The following HMGCLL1 variants were observed in gnomAD, a reference collection of about 807,000 sequenced individuals.
The protein encoded by HMGCLL1 is 3-hydroxy-3-methylglutaryl-CoA lyase like 1.
A neutral mutation model predicts 39.1 loss-of-function variants in HMGCLL1; 36 were observed. The observed-to-expected ratio is 0.92, with a 90% CI of 0.71 to 1.22. The LOEUF (loss-of-function observed/expected upper bound fraction) is 1.22, where lower values mean the gene tolerates loss of function less well. HMGCLL1 is among the 50% of genes most tolerant of loss of function. The pLI, the probability that HMGCLL1 is intolerant of heterozygous loss-of-function variation, is 0.00. For missense variants in HMGCLL1, 451 were observed against 416.5 expected, an observed-to-expected ratio of 1.08 and a Z score of -0.72; for synonymous variants, 149 against 144.0, an observed-to-expected ratio of 1.03 and a Z score of -0.25.
At chr6:55,443,439 G>A (rs1763689402) in intron 7 of HMGCLL1, among the ~76,000 whole-genome samples, 1 of 152,116 alleles carries the variant, frequency 6.6e-6, no homozygotes, top group Non-Finnish European at 1.5e-5. Context: ...TGCAACTACA[G>A]GAGTCCCAGA....
the HMGCLL1 span, among the ~76,000 whole-genome samples, chr6:55,591,739 A>G: frequency 6.6e-6 from 1 of 151,160 alleles, no homozygotes; most frequent in Non-Finnish European, 1.5e-5. Context: ...AAAGTTTCCC[A>G]GAGTTCCCAT....
chr6:55,660,926 G>T, the HMGCLL1 span, among the ~76,000 whole-genome samples: 2 of 151,878 alleles, frequency 1.3e-5, no homozygotes, highest in Non-Finnish European at 2.9e-5. Flanking sequence ...ACTGGTGTGA[G>T]ATAGTATCTC....
intron 1 of HMGCLL1, among the ~76,000 whole-genome samples, chr6:55,543,549 T>C (rs1319458030): frequency 8.1e-6 from 1 of 123,366 alleles, no homozygotes; most frequent in African/African-American, 3.0e-5. Context: ...TATATTTACA[T>C]ATATATTTAT....
At position 55,435,630 on chromosome 6, in the gene HMGCLL1, CT is replaced by C; in HGVS notation, c.*31del. The stretch of plus-strand genomic sequence containing the variant: ...GATGAGTATTGTAGCTGAAATTGAT[CT>C]TCTCAACGGTACGTCATAAATCCAT... On this transcript the variant is annotated 3_prime_UTR_variant, in exon 9 of 9. Transcript: ENST00000274901. 8.0e-7 allele frequency: 1 copy of C among 1,243,560 alleles called. No homozygotes were observed. The allele number at this position is 1,243,560 out of a possible 1,614,324, so 77.0% of individuals were successfully genotyped here. A position where few individuals can be genotyped will look rare whatever the true frequency, so the allele number is the denominator to read the frequency against.
intron 1 of HMGCLL1, 74 bp downstream of exon 1, chr6:55,578,874 A>G: frequency 3.7e-6 from 4 of 1,076,198 alleles, no homozygotes; most frequent in Non-Finnish European, 4.2e-6. Flanking sequence ...GAGGGCACCA[A>G]GAGGTTGCAG....
chr6:55,553,174 T>C (rs1445888917), intron 1 of HMGCLL1, among the ~76,000 whole-genome samples: 13 of 95,250 alleles, frequency 1.4e-4, no homozygotes, highest in Admixed American at 3.6e-4. Flanking sequence ...TATATATATA[T>C]ACATACACAC....
At chr6:55,622,666 T>C in the HMGCLL1 span, among the ~76,000 whole-genome samples, 1 of 152,104 alleles carries the variant, frequency 6.6e-6, no homozygotes, top group Admixed American at 6.6e-5. Flanking sequence ...TTTGCTACTG[T>C]TTTGTTGAGG....
chr6:55,618,877 A>G, the HMGCLL1 span, among the ~76,000 whole-genome samples: 12 of 152,250 alleles, frequency 7.9e-5, no homozygotes, highest in East Asian at 2.1e-3. Flanking sequence ...TTTTACACCT[A>G]GTGAACTTAG....
At chr6:55,519,556 T>C (rs529331727) in intron 3 of HMGCLL1, among the ~76,000 whole-genome samples, 1 of 152,190 alleles carries the variant, frequency 6.6e-6, no homozygotes, top group African/African-American at 2.4e-5. Context: ...CACACAAATG[T>C]GCATGCACAC....
At chr6:55,603,151 A>T in the HMGCLL1 span, among the ~76,000 whole-genome samples, 1 of 152,132 alleles carries the variant, frequency 6.6e-6, no homozygotes, top group Non-Finnish European at 1.5e-5. Context: ...AAGCAACTTA[A>T]TAAAATTATT....
chr6:55,451,827 AAT>A (rs1764099555), intron 7 of HMGCLL1, among the ~76,000 whole-genome samples: 1 of 152,208 alleles, frequency 6.6e-6, no homozygotes, highest in Non-Finnish European at 1.5e-5. Context: ...AAGAATGAGC[AAT>A]GTTATAAATA....
rs754368185 is a variant in HMGCLL1, at chr6:55,514,184, C to T, written c.406G>A (p.Ala136Thr). The T allele has an allele frequency of 2.5e-6, 4 of 1,601,232 alleles. No homozygotes were observed. The highest frequency in any genetic ancestry group is 3.4e-6 in the Non-Finnish European group (4 of 1,176,368). ...QGFHHAVAAGATEISVFGAAS... is the reference protein window; with the variant it reads ...QGFHHAVAAGTTEISVFGAAS... ...GCTCCAAAAACTGATATCTCAGTAG[C>T]TCCAGCAGCAACCTGAAAAATATAT... The change falls in exon 5 of 9, where the codon GCT becomes ACT. Residue 136 changes from alanine to threonine, a missense_variant. Ala to Thr is a moderately conservative substitution (Grantham distance 58). Transcript: ENST00000274901.
At chr6:55,657,580 T>C in the HMGCLL1 span, among the ~76,000 whole-genome samples, 1 of 151,910 alleles carries the variant, frequency 6.6e-6, no homozygotes, top group South Asian at 2.1e-4. Flanking sequence ...GCTATTTTGG[T>C]TACTGTAGCT....
chr6:55,442,643 C>T (rs1278332144), intron 7 of HMGCLL1, among the ~76,000 whole-genome samples: 1 of 152,150 alleles, frequency 6.6e-6, no homozygotes, highest in East Asian at 1.9e-4. Context: ...GTTTCTCTAC[C>T]TCCATTTCTT....
intron 3 of HMGCLL1, among the ~76,000 whole-genome samples, chr6:55,530,147 T>G (rs1362178616): frequency 1.3e-5 from 2 of 152,060 alleles, no homozygotes; most frequent in East Asian, 3.9e-4. Context: ...TAAGCAGAAT[T>G]CAATACAAGA....
At chr6:55,493,221 C>G (rs1766403729) in intron 7 of HMGCLL1, among the ~76,000 whole-genome samples, 1 of 152,000 alleles carries the variant, frequency 6.6e-6, no homozygotes, top group African/African-American at 2.4e-5. Context: ...AACCCTAAAC[C>G]CACAAAACGT....
chr6:55,635,842 T>TA, the HMGCLL1 span, among the ~76,000 whole-genome samples: 2 of 152,128 alleles, frequency 1.3e-5, no homozygotes, highest in African/African-American at 2.4e-5. Context: ...TGACATTGAA[T>TA]AAAAAATGTG....
chr6:55,666,432 C>A, the HMGCLL1 span, among the ~76,000 whole-genome samples: 1 of 151,584 alleles, frequency 6.6e-6, no homozygotes, highest in Non-Finnish European at 1.5e-5. Context: ...AGGCAAAGTC[C>A]TTAAGCAAAA....
chr6:55,627,841 G>T, the HMGCLL1 span, among the ~76,000 whole-genome samples: 1 of 110,164 alleles, frequency 9.1e-6, no homozygotes, highest in Non-Finnish European at 1.8e-5. Flanking sequence ...GCTTATTGTG[G>T]GACCTTGTGA....
Sources: gnomAD v4.1 joint callset for allele counts (sites outside exome capture counted in the v4.1 genomes callset) on GRCh38, gnomAD v4.1.1 for gene constraint, MANE v1.5 for transcripts, NCBI Gene and HGNC (gene_info 2026-07-23, HGNC 2026-07-21) for gene names.